SIPA1L1: variants seen among roughly 807,000 people sequenced by gnomAD.
The protein encoded by SIPA1L1 is signal induced proliferation associated 1 like 1.
In SIPA1L1, 26 loss-of-function variants were observed where a neutral mutation model predicts 162.7. The observed-to-expected ratio is 0.16, with a 90% CI of 0.12 to 0.22. The LOEUF is 0.22. SIPA1L1 is among the 10% of genes least tolerant of loss of function. The pLI is 1.00. For missense variants in SIPA1L1, 1,874 were observed against 2,241.0 expected (o/e 0.84, Z 3.31); for synonymous variants, 829 against 837.4 (o/e 0.99, Z 0.17).
rs746068832 is a variant in SIPA1L1, at chr14:71,587,855, TC to T, written c.-17del. On this transcript the variant is annotated 5_prime_UTR_variant, in exon 5 of 24. Coordinates refer to ENST00000381232, the MANE Select transcript of SIPA1L1 (RefSeq NM_001386936.1). ...ATGGTCCTTGCTGCAGGGATTTAAG[TC>T]TACTTGCTTTTACATCATGACCAGC... The T allele has an allele frequency of 6.3e-7, 1 of 1,590,640 alleles. No homozygotes were observed. Among genetic ancestry groups the T allele is most frequent in the African/African-American group, 1.3e-5 (1 of 74,464 alleles).
chr14:71,382,199 T>G (rs2039962060), intron 2 of SIPA1L1, among the ~76,000 whole-genome samples: 1 of 152,228 alleles, frequency 6.6e-6, no homozygotes, highest in Non-Finnish European at 1.5e-5. Flanking sequence ...AGTGGTAATT[T>G]CTGGATTAGG....
At chr14:71,342,596 A>G (rs1429506317) in intron 2 of SIPA1L1, among the ~76,000 whole-genome samples, 3 of 152,208 alleles carry the variant, frequency 2.0e-5, no homozygotes, top group South Asian at 4.1e-4. Context: ...TCAGACAGAA[A>G]TGAAATTGCT....
At chr14:71,636,469 G>A (rs571479626) in intron 7 of SIPA1L1, among the ~76,000 whole-genome samples, 18 of 152,182 alleles carry the variant, frequency 1.2e-4, no homozygotes, top group African/African-American at 3.9e-4. Context: ...ACACTTCAAG[G>A]GAAATGAAAA....
chr14:71,504,254 C>G (rs1235680753), intron 2 of SIPA1L1, among the ~76,000 whole-genome samples: 1 of 152,086 alleles, frequency 6.6e-6, no homozygotes, highest in Non-Finnish European at 1.5e-5. Context: ...GTAACATGAC[C>G]GTTACTCACA....
At chr14:71,617,160 G>C (rs2038934435) in intron 5 of SIPA1L1, among the ~76,000 whole-genome samples, 1 of 152,108 alleles carries the variant, frequency 6.6e-6, no homozygotes, top group Admixed American at 6.6e-5. Flanking sequence ...CTGCCTTTTT[G>C]TACTATTTCT....
intron 8 of SIPA1L1, among the ~76,000 whole-genome samples, chr14:71,657,325 G>C (rs899425341): frequency 6.8e-6 from 1 of 147,090 alleles, no homozygotes; most frequent in Non-Finnish European, 1.5e-5. Context: ...TCCAGCCTGG[G>C]CGACAGAGTG....
At chr14:71,410,280 A>G (rs1372399771) in intron 2 of SIPA1L1, among the ~76,000 whole-genome samples, 1 of 152,178 alleles carries the variant, frequency 6.6e-6, no homozygotes, top group African/African-American at 2.4e-5. Context: ...ATATTTCAGT[A>G]GGCTTTTAGT....
rs369860702 is a variant in SIPA1L1, at chr14:71,627,713, TGCAATA to T, written c.1818+3479_1818+3484del. 6.7e-3 allele frequency among the ~76,000 whole-genome samples: 1,022 copies of T among 152,278 alleles called. 8 individuals carry two copies. The highest frequency in any genetic ancestry group is 0.011 in the Non-Finnish European group (778 of 68,012). ...TGATTTAATCCTCACAGCAACCCTG[TGCAATA>T]GATTCCAACTATTGGCCTATTTTAC... On this transcript the variant is annotated intron_variant, in intron 7 of 23. Coordinates refer to ENST00000381232, the MANE Select transcript of SIPA1L1 (RefSeq NM_001386936.1).
At chr14:71,542,202 C>T (rs533409765) in intron 4 of SIPA1L1, among the ~76,000 whole-genome samples, 68 of 152,274 alleles carry the variant, frequency 4.5e-4, no homozygotes, top group Non-Finnish European at 2.8e-4. Flanking sequence ...CCTCCCCACT[C>T]AGCCTCCCAA....
At chr14:71,561,787 A>G (rs1481512612) in intron 4 of SIPA1L1, among the ~76,000 whole-genome samples, 1 of 152,098 alleles carries the variant, frequency 6.6e-6, no homozygotes, top group Non-Finnish European at 1.5e-5. Flanking sequence ...GAGTTTCACC[A>G]TGTTGGTCAG....
intron 7 of SIPA1L1, among the ~76,000 whole-genome samples, chr14:71,628,390 A>C (rs1237173636): frequency 6.6e-6 from 1 of 152,240 alleles, no homozygotes; most frequent in African/African-American, 2.4e-5. Flanking sequence ...ACGTTGAAGA[A>C]ATAGGAGCTG....
chr14:71,584,284 G>C (rs1266280777), intron 4 of SIPA1L1, among the ~76,000 whole-genome samples: 1 of 152,146 alleles, frequency 6.6e-6, no homozygotes, highest in Non-Finnish European at 1.5e-5. Context: ...AATGACAAGG[G>C]ATTTTTGGCA....
At chr14:71,597,329 A>G (rs2036157690) in intron 5 of SIPA1L1, among the ~76,000 whole-genome samples, 1 of 151,210 alleles carries the variant, frequency 6.6e-6, no homozygotes. Flanking sequence ...CTCCCCTCCC[A>G]TTTCTCTATT....
chr14:71,418,873 C>T (rs1279524904), intron 2 of SIPA1L1, among the ~76,000 whole-genome samples: 1 of 152,044 alleles, frequency 6.6e-6, no homozygotes, highest in Non-Finnish European at 1.5e-5. Context: ...GGTGCTCCTG[C>T]GGGGAGGGCT....
At chr14:71,428,243 C>T (rs1263506380) in intron 2 of SIPA1L1, among the ~76,000 whole-genome samples, 1 of 151,874 alleles carries the variant, frequency 6.6e-6, no homozygotes, top group African/African-American at 2.4e-5. Flanking sequence ...TGATTCCCCC[C>T]ACCTCAGCCT....
chr14:71,542,410 T>C (rs948586656), intron 4 of SIPA1L1, among the ~76,000 whole-genome samples: 1 of 146,818 alleles, frequency 6.8e-6, no homozygotes, highest in Non-Finnish European at 1.5e-5. Flanking sequence ...TGCTGCTGCT[T>C]CTGCTTCTTC....
intron 4 of SIPA1L1, among the ~76,000 whole-genome samples, chr14:71,534,005 C>T (rs1187181252): frequency 6.6e-6 from 1 of 151,764 alleles, no homozygotes; most frequent in African/African-American, 2.4e-5. Context: ...GGGAGGATTG[C>T]TTGGAGGCCA....
At chr14:71,498,693 A>G (rs1168252903) in intron 2 of SIPA1L1, among the ~76,000 whole-genome samples, 1 of 152,064 alleles carries the variant, frequency 6.6e-6, no homozygotes, top group Non-Finnish European at 1.5e-5. Flanking sequence ...AACAATCTTG[A>G]GTTTGGGTAG....
At chr14:71,509,938 G>C (rs895003345) in intron 2 of SIPA1L1, among the ~76,000 whole-genome samples, 3 of 151,926 alleles carry the variant, frequency 2.0e-5, no homozygotes, top group Non-Finnish European at 4.4e-5. Flanking sequence ...GAATCTCCTG[G>C]GTTTTTTTGG....
Sources: allele counts gnomAD v4.1 joint callset (sites outside exome capture counted in the v4.1 genomes callset), GRCh38; gene constraint gnomAD v4.1.1; transcripts MANE v1.5; gene names NCBI Gene and HGNC (gene_info 2026-07-23, HGNC 2026-07-21).